The following HSPBAP1 variants were observed in gnomAD, a reference collection of about 807,000 sequenced individuals.
The protein encoded by HSPBAP1 is HSPB1 associated protein 1.
In HSPBAP1, 27 loss-of-function variants were observed where a neutral mutation model predicts 45.2. That is an observed-to-expected ratio of 0.60 (90% CI 0.44 to 0.82). The LOEUF is 0.82. Among genes scored for constraint, HSPBAP1 ranks in the 40% least tolerant of loss-of-function variants. The pLI is 0.00. For missense variants in HSPBAP1, 510 were observed against 590.9 expected (o/e 0.86, Z 1.42); for synonymous variants, 204 against 202.7 (o/e 1.01, Z -0.06).
intron 3 of HSPBAP1, chr3:122,761,417 A>G (rs1050593435): frequency 5.3e-5 from 8 of 152,118 alleles, no homozygotes; most frequent in East Asian, 1.9e-4. Flanking sequence ...AGGTTACTGT[A>G]TGAGAAACTG....
At chr3:122,788,955 A>G (rs576180359) in intron 1 of HSPBAP1, among the ~76,000 whole-genome samples, 1 of 152,252 alleles carries the variant, frequency 6.6e-6, no homozygotes. Flanking sequence ...TTTTACCACA[A>G]TAAAACAAAT....
intron 6 of HSPBAP1, among the ~76,000 whole-genome samples, chr3:122,743,147 G>A (rs1933726215): frequency 6.6e-6 from 1 of 152,174 alleles, no homozygotes; most frequent in Admixed American, 6.5e-5. Flanking sequence ...TTCATTCCTT[G>A]TGATAGTTGA....
At chr3:122,761,256 C>A (rs1256727543) in intron 3 of HSPBAP1, among the ~76,000 whole-genome samples, 2 of 152,196 alleles carry the variant, frequency 1.3e-5, no homozygotes, top group Non-Finnish European at 1.5e-5. Flanking sequence ...CTTCAGGAAT[C>A]TAATGAATAC....
In HSPBAP1 at chr3:122,785,902, T is replaced by C. The variant is rs985152898; in HGVS notation, c.64+7715A>G. On this transcript the variant is annotated intron_variant, in intron 1 of 7. Transcript: ENST00000306103. ...TATCTATAATTTCCATGTGTGTGCG[T>C]GTGTGTGTGTGTGTGCACGCGCGCA... Among the ~76,000 whole-genome samples, 4 of 147,540 alleles carry C rather than the reference T, an allele frequency of 2.7e-5. No homozygotes were observed. The South Asian group carries it at 6.3e-4, about 23-fold the overall frequency.
chr3:122,778,062 T>C (rs886368836), intron 1 of HSPBAP1, among the ~76,000 whole-genome samples, 156 bp from the exon 2 acceptor site: 2 of 152,104 alleles, frequency 1.3e-5, no homozygotes, highest in Admixed American at 1.3e-4. Flanking sequence ...TATACACATG[T>C]GGCCTCAAAA....
At chr3:122,777,497 T>C (rs1229191178) in intron 2 of HSPBAP1, among the ~76,000 whole-genome samples, 2 of 152,178 alleles carry the variant, frequency 1.3e-5, no homozygotes, top group East Asian at 3.8e-4. Flanking sequence ...TTGTATGGGG[T>C]TATAAACTAT....
At chr3:122,759,751 A>G (rs1934500463) in intron 3 of HSPBAP1, among the ~76,000 whole-genome samples, 1 of 152,196 alleles carries the variant, frequency 6.6e-6, no homozygotes, top group Non-Finnish European at 1.5e-5. Flanking sequence ...TTGGGCAGTT[A>G]GAACAGTGAA....
At chr3:122,751,504 G>A (rs1934133389) in intron 6 of HSPBAP1, among the ~76,000 whole-genome samples, 1 of 152,192 alleles carries the variant, frequency 6.6e-6, no homozygotes, top group Admixed American at 6.5e-5. Context: ...ATTAAAGAAA[G>A]TAAGAGGTTT....
intron 1 of HSPBAP1, among the ~76,000 whole-genome samples, chr3:122,784,280 G>A (rs1935583589): frequency 6.6e-6 from 1 of 152,080 alleles, no homozygotes; most frequent in Non-Finnish European, 1.5e-5. Flanking sequence ...TCATCCTTTG[G>A]GAAACAACTG....
chr3:122,778,218 GT>G (rs71621691), intron 1 of HSPBAP1, among the ~76,000 whole-genome samples: 22 of 82,684 alleles, frequency 2.7e-4, no homozygotes, highest in South Asian at 1.1e-3. Flanking sequence ...TTTTTTTGTT[GT>G]TTTTTTTTTT....
At chr3:122,791,119 A>G (rs1220312773) in intron 1 of HSPBAP1, among the ~76,000 whole-genome samples, 1 of 152,360 alleles carries the variant, frequency 6.6e-6, no homozygotes, top group Admixed American at 6.5e-5. Context: ...CATGCATTTT[A>G]CAGAGGAGGA....
chr3:122,790,567 C>T (rs1361799936), intron 1 of HSPBAP1, among the ~76,000 whole-genome samples: 3 of 152,110 alleles, frequency 2.0e-5, no homozygotes, highest in Non-Finnish European at 4.4e-5. Flanking sequence ...GTCTTTATTG[C>T]CAAAAATGAT....
chr3:122,789,340 C>T (rs1935752118), intron 1 of HSPBAP1, among the ~76,000 whole-genome samples: 1 of 152,106 alleles, frequency 6.6e-6, no homozygotes, highest in Non-Finnish European at 1.5e-5. Flanking sequence ...AAAAACAGCC[C>T]AATAGAGAGA....
chr3:122,780,310 G>A (rs1338153400), intron 1 of HSPBAP1, among the ~76,000 whole-genome samples: 11 of 98,386 alleles, frequency 1.1e-4, no homozygotes, highest in Admixed American at 5.3e-4. Flanking sequence ...CCTCCCGGAC[G>A]GGGCGGCTGG....
At position 122,741,073 on chromosome 3, in the gene HSPBAP1, C is replaced by T. The variant is rs748268421; in HGVS notation, c.866G>A (p.Arg289His). 1.7e-5 allele frequency: 28 copies of T among 1,613,966 alleles called. No individual in the cohort carries two copies. The highest frequency in any genetic ancestry group is 2.3e-5 in the Non-Finnish European group (27 of 1,179,968). Reference sequence around the variant, plus strand: ...AGTTTTCAGGGCACACACAAGCATACGGGTGATTGCCTCTTCTACCCGGGC... The same window carrying T: ...AGTTTTCAGGGCACACACAAGCATATGGGTGATTGCCTCTTCTACCCGGGC... ...HLARVEEAIT[R>H]MLVCALKTAE... is the part of the protein sequence containing the mutation. Residue 289 changes from arginine (R) to histidine (H), a missense_variant, in exon 7 of 8, where the codon CGT becomes CAT. Physicochemically the swap from Arg to His is conservative, Grantham distance 29. Transcript: ENST00000306103.
chr3:122,740,880 G>T lies in HSPBAP1; in HGVS notation c.937-5C>A. The T allele has an allele frequency of 3.7e-6, 6 of 1,612,552 alleles. No individual in the cohort carries two copies. Among genetic ancestry groups the T allele is most frequent in the Non-Finnish European group, 5.1e-6 (6 of 1,179,224 alleles). On this transcript the variant is annotated splice_region_variant and splice_polypyrimidine_tract_variant and intron_variant, in intron 7 of 7. Coordinates refer to ENST00000306103, the MANE Select transcript of HSPBAP1 (RefSeq NM_024610.6). The stretch of plus-strand genomic sequence containing the variant: ...TGCATGGGACGTTTCCTCAACCTAA[G>T]GGAAGAGAAAAACCTTTTAAAATGG...
intron 3 of HSPBAP1, among the ~76,000 whole-genome samples, chr3:122,762,189 C>T (rs1182654121): frequency 6.6e-6 from 1 of 152,094 alleles, no homozygotes; most frequent in Non-Finnish European, 1.5e-5. Flanking sequence ...CCTAGATCTG[C>T]TTTCTATAAC....
intron 2 of HSPBAP1, among the ~76,000 whole-genome samples, chr3:122,772,854 TTTTACTTA>T (rs1285158855): frequency 2.6e-5 from 4 of 152,060 alleles, no homozygotes. Flanking sequence ...TTTTCATTTT[TTTTACTTA>T]TTTTTTTATT....
In HSPBAP1 at chr3:122,740,865, G is replaced by C; in HGVS notation, c.947C>G (p.Thr316Arg). The change falls in exon 8 of 8, where the codon ACG becomes AGG. Residue 316 changes from threonine (T) to arginine (R), a missense_variant. By Grantham distance (71) the Thr-to-Arg change is moderately conservative. Transcript: ENST00000306103. ...GTAGCAACAGTTGACTGCATGGGAC[G>C]TTTCCTCAACCTAAGGGAAGAGAAA... Reference protein sequence around the residue: ...AWLNPTEVEETSHAVNCCYLN... With the variant: ...AWLNPTEVEERSHAVNCCYLN... The C allele has an allele frequency of 6.2e-7, 1 of 1,613,788 alleles. No individual in the cohort carries two copies. The highest frequency in any genetic ancestry group is 1.1e-5 in the South Asian group (1 of 91,074).
Sources: gnomAD v4.1 joint callset for allele counts (sites outside exome capture counted in the v4.1 genomes callset) on GRCh38, gnomAD v4.1.1 for gene constraint, MANE v1.5 for transcripts, NCBI Gene and HGNC (gene_info 2026-07-23, HGNC 2026-07-21) for gene names.